CREB5: variants seen among roughly 807,000 people sequenced by gnomAD.
CREB5 encodes cAMP responsive element binding protein 5, also known as cyclic AMP-responsive element-binding protein 5.
Under a neutral mutation model 57.1 loss-of-function variants are expected in CREB5, and 19 were observed. The observed-to-expected ratio is 0.33, with a 90% confidence interval of 0.23 to 0.49. CREB5 has a LOEUF of 0.49. Among genes scored for constraint, CREB5 ranks in the 20% least tolerant of loss-of-function variants. The pLI, the probability that CREB5 is intolerant of heterozygous loss-of-function variation, is 0.99. For missense variants in CREB5, 579 were observed against 671.6 expected, an observed-to-expected ratio of 0.86 and a Z score of 1.52; for synonymous variants, 238 against 238.3, an observed-to-expected ratio of 1.00 and a Z score of 0.01.
intron 5 of CREB5, among the ~76,000 whole-genome samples, chr7:28,643,159 G>A (rs890151817): frequency 1.3e-5 from 2 of 152,074 alleles, no homozygotes; most frequent in African/African-American, 4.8e-5. Context: ...TAGGTGTTAG[G>A]AATTTTTTTC....
chr7:28,402,033 G>A (rs1462063298), intron 1 of CREB5, among the ~76,000 whole-genome samples: 2 of 152,132 alleles, frequency 1.3e-5, no homozygotes, highest in Non-Finnish European at 2.9e-5. Flanking sequence ...CACCAACAGT[G>A]TAAAAGTGTT....
intron 1 of CREB5, among the ~76,000 whole-genome samples, chr7:28,392,447 C>T (rs537326363): frequency 6.6e-5 from 10 of 152,140 alleles, no homozygotes; most frequent in South Asian, 4.2e-4. Flanking sequence ...AAAATAATTG[C>T]GGTTTTTGGT....
intron 7 of CREB5, among the ~76,000 whole-genome samples, chr7:28,775,833 C>G (rs1806592182): frequency 6.6e-6 from 1 of 152,048 alleles, no homozygotes; most frequent in Non-Finnish European, 1.5e-5. Flanking sequence ...GGTCAGTTGC[C>G]TATATACTTT....
chr7:28,765,760 G>A (rs1204187540), intron 7 of CREB5, among the ~76,000 whole-genome samples: 5 of 152,180 alleles, frequency 3.3e-5, no homozygotes, highest in Admixed American at 6.5e-5. Flanking sequence ...CAGTATTTAC[G>A]GTGGGCACAC....
intron 4 of CREB5, among the ~76,000 whole-genome samples, chr7:28,534,496 G>C (rs574639269): frequency 1.3e-5 from 2 of 152,296 alleles, no homozygotes; most frequent in African/African-American, 2.4e-5. Context: ...TCCTGTAATC[G>C]TGGGGCCTCT....
chr7:28,748,798 A>T (rs570836777), intron 7 of CREB5, among the ~76,000 whole-genome samples: 102 of 152,306 alleles, frequency 6.7e-4, no homozygotes, highest in Admixed American at 1.1e-3. Flanking sequence ...GGCCCTCCAG[A>T]CAGTGAGTTT....
At chr7:28,323,871 C>A (rs1158964684) in intron 1 of CREB5, among the ~76,000 whole-genome samples, 1 of 152,116 alleles carries the variant, frequency 6.6e-6, no homozygotes, top group East Asian at 1.9e-4. Context: ...AATAGATGGT[C>A]CCATCTGGGA....
chr7:28,569,072 C>T (rs549132324), intron 4 of CREB5, among the ~76,000 whole-genome samples: 7 of 152,246 alleles, frequency 4.6e-5, no homozygotes, highest in African/African-American at 1.7e-4. Context: ...GGCTGAAGAG[C>T]TGTATCTTGC....
intron 1 of CREB5, among the ~76,000 whole-genome samples, chr7:28,463,809 C>A (rs532231925): frequency 6.6e-6 from 1 of 152,006 alleles, no homozygotes; most frequent in Non-Finnish European, 1.5e-5. Context: ...TCAATAGTTT[C>A]TTTTTTTAGT....
At chr7:28,744,751 AC>A (rs1804600513) in intron 7 of CREB5, among the ~76,000 whole-genome samples, 1 of 152,228 alleles carries the variant, frequency 6.6e-6, no homozygotes, top group Non-Finnish European at 1.5e-5. Context: ...CATGGGAGGA[AC>A]AAAATTCAGC....
At chr7:28,425,864 T>G (rs532943421) in intron 1 of CREB5, among the ~76,000 whole-genome samples, 69 of 152,334 alleles carry the variant, frequency 4.5e-4, no homozygotes, top group Middle Eastern at 3.4e-3. Context: ...TTCCTCTAGA[T>G]GGACTGCTGC....
At chr7:28,536,285 C>T (rs1026960613) in intron 4 of CREB5, among the ~76,000 whole-genome samples, 9 of 152,194 alleles carry the variant, frequency 5.9e-5, no homozygotes, top group Admixed American at 1.3e-4. Flanking sequence ...TTCGCAGAGC[C>T]GTCTAACATT....
At chr7:28,411,659 C>A (rs184776429), upstream of CREB5, among the ~76,000 whole-genome samples, 48 of 152,044 alleles carry the variant, frequency 3.2e-4, no homozygotes, top group African/African-American at 1.1e-3. Flanking sequence ...TTGGAGTGGT[C>A]CCTGATTTGG....
At chr7:28,629,519 C>G (rs931655815) in intron 5 of CREB5, among the ~76,000 whole-genome samples, 3 of 152,172 alleles carry the variant, frequency 2.0e-5, no homozygotes, top group Non-Finnish European at 4.4e-5. Flanking sequence ...CAGGGAGTTT[C>G]TTTGCTTTAA....
rs570103299 is a variant in CREB5, at chr7:28,366,500, A to C, written c.-25+67059A>C. 6.2e-4 allele frequency among the ~76,000 whole-genome samples: 94 copies of C among 152,294 alleles called. 1 individual carries two copies. The highest frequency in any genetic ancestry group is 6.8e-3 in the Middle Eastern group (2 of 294). On this transcript the variant is annotated intron_variant, in intron 1 of 9. Coordinates refer to the CREB5 transcript ENST00000396299. ...AATCCTCTCCATATTTTGTCTTTTT[A>C]AAAGATGTCAGCTCTGAGAAATACT...
intron 1 of CREB5, among the ~76,000 whole-genome samples, chr7:28,320,345 A>G (rs1212224024): frequency 1.3e-5 from 2 of 152,110 alleles, no homozygotes; most frequent in South Asian, 2.1e-4. Flanking sequence ...ATTCCATTAC[A>G]GGGAATCTAG....
intron 4 of CREB5, among the ~76,000 whole-genome samples, chr7:28,553,164 C>T (rs1213461328): frequency 7.2e-5 from 11 of 152,200 alleles, no homozygotes; most frequent in African/African-American, 2.7e-4. Context: ...TCTAAATTCC[C>T]CAGCACTGCA....
intron 4 of CREB5, among the ~76,000 whole-genome samples, chr7:28,568,333 T>A (rs956389553): frequency 1.3e-5 from 2 of 152,242 alleles, no homozygotes; most frequent in Admixed American, 1.3e-4. Context: ...TTGGATCTAT[T>A]ATTGATAGAG....
chr7:28,520,292 C>G (rs894424445), intron 4 of CREB5, among the ~76,000 whole-genome samples: 1 of 152,144 alleles, frequency 6.6e-6, no homozygotes, highest in African/African-American at 2.4e-5. Context: ...TAGTTGTCTC[C>G]GCATCCTCCT....
Sources: gnomAD v4.1 joint callset for allele counts (sites outside exome capture counted in the v4.1 genomes callset) on GRCh38, gnomAD v4.1.1 for gene constraint, MANE v1.5 for transcripts, NCBI Gene and HGNC (gene_info 2026-07-23, HGNC 2026-07-21) for gene names.